Variants in GRK3 observed in about 807,000 individuals in gnomAD.
The protein encoded by GRK3 is G protein-coupled receptor kinase 3.
In GRK3, 54 loss-of-function variants were observed where a neutral mutation model predicts 95.7. That is an observed-to-expected ratio of 0.56 (90% CI 0.45 to 0.71). The LOEUF (loss-of-function observed/expected upper bound fraction) is 0.71, where lower values mean the gene tolerates loss of function less well. GRK3 is among the 30% of genes least tolerant of loss of function. GRK3 has a pLI of 0.00. For missense variants in GRK3, 649 were observed against 851.2 expected, an observed-to-expected ratio of 0.76 and a Z score of 2.96; for synonymous variants, 281 against 290.8, an observed-to-expected ratio of 0.97 and a Z score of 0.34.
chr22:25,595,104 C>T (rs577843513), intron 1 of GRK3, among the ~76,000 whole-genome samples: 3 of 152,184 alleles, frequency 2.0e-5, no homozygotes, highest in South Asian at 2.1e-4. Flanking sequence ...CCCTTGAGAA[C>T]TGGAACAGAC....
chr22:25,717,448 A>G (rs2085395779), intron 18 of GRK3, among the ~76,000 whole-genome samples: 1 of 152,000 alleles, frequency 6.6e-6, no homozygotes, highest in South Asian at 2.1e-4. Flanking sequence ...GTGTTTACTT[A>G]TGGTCTGAAA....
intron 1 of GRK3, among the ~76,000 whole-genome samples, chr22:25,573,971 C>T (rs761597059): frequency 1.3e-5 from 2 of 152,172 alleles, no homozygotes; most frequent in Non-Finnish European, 2.9e-5. Flanking sequence ...AACACCACCA[C>T]CAACAACAAA....
At chr22:25,705,252 C>T (rs1306920496) in intron 15 of GRK3, among the ~76,000 whole-genome samples, 4 of 152,162 alleles carry the variant, frequency 2.6e-5, no homozygotes, top group Admixed American at 2.6e-4. Flanking sequence ...TTTTGAGCTC[C>T]TCTTTTGCTT....
intron 2 of GRK3, among the ~76,000 whole-genome samples, chr22:25,608,729 TTG>T (rs1412787203): frequency 2.6e-5 from 4 of 152,208 alleles, no homozygotes; most frequent in Non-Finnish European, 5.9e-5. Flanking sequence ...AGATTCCTAC[TTG>T]GAGCCTGTAG....
At chr22:25,710,980 C>T (rs920611671) in intron 16 of GRK3, 88 bp from the exon 17 acceptor site, 16 of 662,388 alleles carry the variant, frequency 2.4e-5, no homozygotes, top group Admixed American at 1.8e-4. Flanking sequence ...GCGGATATCT[C>T]GCACTGTGCT....
In GRK3 at chr22:25,590,712, T is replaced by TGG. The variant is rs1569155895; in HGVS notation, c.114-13665_114-13664insGG. Among the ~76,000 whole-genome samples the TGG allele has an allele frequency of 2.0e-4, 30 of 152,246 alleles. No individual in the cohort carries two copies. The East Asian group carries it at 4.2e-3, about 22-fold the overall frequency. On this transcript the variant is annotated intron_variant, in intron 1 of 20. Transcript: ENST00000324198. Reference sequence around the variant, plus strand: ...GGTGGGCACCCACAGTCCCAGCTACTCGAGAGGCTGAGGGAGGAGTATCAC... The same window carrying TGG: ...GGTGGGCACCCACAGTCCCAGCTACTGGCGAGAGGCTGAGGGAGGAGTATCAC...
In GRK3 at chr22:25,722,681, C is replaced by T. The variant is rs527871202; in HGVS notation, c.*231C>T. On this transcript the variant is annotated 3_prime_UTR_variant, in exon 21 of 21. Transcript: ENST00000324198. ...TTTTTCTTTGCTACACACTTTGGTA[C>T]CTATGAACCTAGAACTTGAAGTGAC... is the stretch of plus-strand genomic sequence containing the variant. 2 of 436,212 alleles carry T rather than the reference C, an allele frequency of 4.6e-6. No homozygotes were observed. Among genetic ancestry groups the T allele is most frequent in the Admixed American group, 7.5e-5 (2 of 26,556 alleles). 27.0% of individuals were successfully genotyped at this position (436,212 alleles called of 1,614,324 possible). A position where few individuals can be genotyped will look rare whatever the true frequency, so the allele number is the denominator to read the frequency against.
At chr22:25,624,412 A>T (rs1270073983) in intron 2 of GRK3, among the ~76,000 whole-genome samples, 3 of 152,000 alleles carry the variant, frequency 2.0e-5, no homozygotes, top group Non-Finnish European at 2.9e-5. Flanking sequence ...AAATACAAAA[A>T]AATTAGCTGG....
intron 19 of GRK3, among the ~76,000 whole-genome samples, 167 bp from the exon 20 acceptor site, chr22:25,721,117 G>A (rs541547837): frequency 7.9e-5 from 12 of 152,074 alleles, no homozygotes; most frequent in Non-Finnish European, 1.8e-4. Context: ...TTGAACTTTT[G>A]TTTGTGTTCC....
Position 25,704,217 on chromosome 22 carries a change from A to C in GRK3, c.1328+8A>C, listed in dbSNP as rs200697707. The C allele has an allele frequency of 1.2e-6, 2 of 1,606,460 alleles. No individual in the cohort carries two copies. The highest frequency in any genetic ancestry group is 1.3e-5 in the African/African-American group (1 of 74,686). On this transcript the variant is annotated splice_region_variant and intron_variant, in intron 15 of 20. Coordinates refer to ENST00000324198, the MANE Select transcript of GRK3 (RefSeq NM_005160.4). ...GGGCTGTCACGGAGGCGGGTAGGCCATTGTTCCTGCCTTTCGGTATCTTTA... is the reference window on the plus strand; with the variant it reads ...GGGCTGTCACGGAGGCGGGTAGGCCCTTGTTCCTGCCTTTCGGTATCTTTA...
At chr22:25,712,723 G>A (rs1362228851) in intron 17 of GRK3, among the ~76,000 whole-genome samples, 1 of 152,216 alleles carries the variant, frequency 6.6e-6, no homozygotes, top group African/African-American at 2.4e-5. Context: ...CTTTCTCTGA[G>A]GATAAATGAG....
intron 11 of GRK3, among the ~76,000 whole-genome samples, chr22:25,688,221 G>A (rs1021254278): frequency 1.5e-5 from 2 of 129,586 alleles, no homozygotes; most frequent in African/African-American, 5.9e-5. Context: ...GGACAACAGA[G>A]CAAGACTCTG....
chr22:25,606,683 A>G (rs1362956569), intron 2 of GRK3, among the ~76,000 whole-genome samples: 1 of 149,972 alleles, frequency 6.7e-6, no homozygotes, highest in African/African-American at 2.5e-5. Context: ...CTCTTTCCTT[A>G]CCTCCCAAGG....
chr22:25,565,104 G>A lies in GRK3; in HGVS notation c.64G>A (p.Ala22Thr), dbSNP rs769665012. Residue 22 changes from alanine (A) to threonine (T), a missense_variant, in exon 1 of 21, where the codon GCG (alanine) becomes ACG (threonine). Ala to Thr is a moderately conservative substitution (Grantham distance 58). Coordinates refer to ENST00000324198, the MANE Select transcript of GRK3 (RefSeq NM_005160.4). ...SYLMAMEKSK[A>T]TPAARASKRI... is the part of the protein sequence containing the mutation. Reference sequence around the variant, plus strand: ...CCTGATGGCCATGGAGAAGAGCAAGGCGACCCCGGCCGCCCGCGCCAGCAA... The same window carrying A: ...CCTGATGGCCATGGAGAAGAGCAAGACGACCCCGGCCGCCCGCGCCAGCAA... The A allele has an allele frequency of 5.8e-6, 9 of 1,550,476 alleles. No individual in the cohort carries two copies. The highest frequency in any genetic ancestry group is 7.8e-6 in the Non-Finnish European group (9 of 1,152,338).
At chr22:25,661,908 C>A (rs1228258568) in intron 4 of GRK3, among the ~76,000 whole-genome samples, 3 of 151,930 alleles carry the variant, frequency 2.0e-5, no homozygotes, top group East Asian at 3.9e-4. Flanking sequence ...CTGCAAACAT[C>A]AATGAAATAA....
chr22:25,711,078 C>T lies in GRK3; in HGVS notation c.1406C>T (p.Pro469Leu), dbSNP rs1163228470. ...QHVYLQKYPP[P>L]LIPPRGEVNA... ...GTTTGGATCTTCCAGTACCCACCAC[C>T]CTTGATTCCTCCCCGGGGAGAAGTC... is the stretch of plus-strand genomic sequence containing the variant. The change falls in exon 17 of 21, where the codon CCC becomes CTC. Residue 469 changes from proline (P) to leucine (L), a missense_variant. By Grantham distance (98) the Pro-to-Leu change is moderately conservative (BLOSUM62 -3). Transcript: ENST00000324198. 6.2e-6 allele frequency: 10 copies of T among 1,612,616 alleles called. No homozygotes were observed. Among genetic ancestry groups the T allele is most frequent in the Non-Finnish European group, 8.5e-6 (10 of 1,179,106 alleles).
In GRK3 at chr22:25,722,512, A is replaced by G; in HGVS notation, c.*62A>G. 6.4e-7 allele frequency: 1 copy of G among 1,565,940 alleles called. No homozygotes were observed. Among genetic ancestry groups the G allele is most frequent in the Non-Finnish European group, 8.7e-7 (1 of 1,143,512 alleles). On this transcript the variant is annotated 3_prime_UTR_variant, in exon 21 of 21. Transcript: ENST00000324198. The stretch of plus-strand genomic sequence containing the variant: ...CCAGGGTCTCAGCCTTTTGGGGTGA[A>G]CGAGGATGAGGCATCTGATCTATTC...
At chr22:25,683,963 G>A (rs1195731474) in intron 9 of GRK3, among the ~76,000 whole-genome samples, 2 of 152,050 alleles carry the variant, frequency 1.3e-5, no homozygotes, top group African/African-American at 4.8e-5. Flanking sequence ...ATTCTCTTTT[G>A]TTTTCTTCTG....
At chr22:25,610,429 G>T (rs965625816) in intron 2 of GRK3, among the ~76,000 whole-genome samples, 6 of 152,144 alleles carry the variant, frequency 3.9e-5, no homozygotes, top group Admixed American at 2.0e-4. Context: ...ATCGCATCAC[G>T]GCTGTCCAGC....
Sources: gnomAD v4.1 joint callset for allele counts (sites outside exome capture counted in the v4.1 genomes callset) on GRCh38, gnomAD v4.1.1 for gene constraint, MANE v1.5 for transcripts, NCBI Gene and HGNC (gene_info 2026-07-23, HGNC 2026-07-21) for gene names.